The following TENM2 variants were observed in gnomAD, a reference collection of about 807,000 sequenced individuals.
TENM2 encodes teneurin-2.
A neutral mutation model predicts 245.2 loss-of-function variants in TENM2; 52 were observed. The observed-to-expected ratio is 0.21, with a 90% CI of 0.17 to 0.27. The LOEUF is 0.27. Ranked by LOEUF, TENM2 falls within the 10% of genes least tolerant of loss-of-function variation. TENM2 has a pLI of 1.00. For synonymous variants in TENM2, 1,363 were observed against 1,438.9 expected, an observed-to-expected ratio of 0.95 and a Z score of 1.19; for missense variants, 3,046 against 3,666.8, an observed-to-expected ratio of 0.83 and a Z score of 4.37.
At chr5:167,363,813 A>G (rs1759870645) in intron 1 of TENM2, among the ~76,000 whole-genome samples, 1 of 151,928 alleles carries the variant, frequency 6.6e-6, no homozygotes, top group Admixed American at 6.6e-5. Flanking sequence ...AAGTCCATAA[A>G]TAATTGATTT....
chr5:167,560,401 AT>A (rs1161957030), intron 2 of TENM2, among the ~76,000 whole-genome samples: 1 of 151,588 alleles, frequency 6.6e-6, no homozygotes, highest in African/African-American at 2.4e-5. Context: ...CATGTAGGTG[AT>A]TTTCCTAGCA....
In TENM2 at chr5:168,217,042, G is replaced by A. The variant is rs116351321; in HGVS notation, c.4233+120G>A. ...AGGGAGAGATACAGATACAGATCAC[G>A]GGGTTGTTTGGAGAAAGCCTGAGAT... On this transcript the variant is annotated intron_variant, in intron 22 of 28. Coordinates refer to ENST00000518659, the Ensembl canonical transcript of TENM2. The A allele has an allele frequency of 1.2e-3, 1,359 of 1,151,056 alleles. 9 individuals are homozygous for A. In the African/African-American group the frequency reaches 0.015, roughly 13 times the overall value. 71.3% of individuals were successfully genotyped at this position (1,151,056 alleles called of 1,614,324 possible).
chr5:168,188,656 G>A (rs1052434701), intron 13 of TENM2, among the ~76,000 whole-genome samples: 2 of 152,142 alleles, frequency 1.3e-5, no homozygotes, highest in Non-Finnish European at 2.9e-5. Context: ...ATAGGGAGGC[G>A]AGCATTAAGA....
intron 1 of TENM2, among the ~76,000 whole-genome samples, chr5:167,316,035 T>C (rs1756343968): frequency 6.6e-6 from 1 of 152,172 alleles, no homozygotes; most frequent in Admixed American, 6.6e-5. Flanking sequence ...TATCTCTTCC[T>C]GCCTACTCTC....
At chr5:167,729,806 C>A (rs1016042430) in intron 2 of TENM2, among the ~76,000 whole-genome samples, 2 of 152,166 alleles carry the variant, frequency 1.3e-5, no homozygotes, top group Non-Finnish European at 2.9e-5. Flanking sequence ...CAGGATAGTT[C>A]TCCTCTGTGA....
At chr5:167,822,511 C>T (rs1767616222) in intron 2 of TENM2, among the ~76,000 whole-genome samples, 1 of 152,014 alleles carries the variant, frequency 6.6e-6, no homozygotes, top group Admixed American at 6.5e-5. Context: ...TTTAACAAAA[C>T]ATTAAACATT....
rs146723793 is a variant in TENM2 at position 167,542,077 on chromosome 5, A to C, written c.502+166604A>C. On this transcript the variant is annotated intron_variant, in intron 2 of 28. Transcript: ENST00000518659. ...GCAGTGGGCAAGTTGTATTCAGAGA[A>C]GGGCCAGACATGGGGAATGACCTTG... Among the ~76,000 whole-genome samples, 9 of 152,244 alleles carry C rather than the reference A, an allele frequency of 5.9e-5. No individual in the cohort carries two copies. The East Asian group carries it at 1.7e-3, about 29-fold the overall frequency.
At chr5:168,212,583 G>A (rs1286832682) in intron 20 of TENM2, among the ~76,000 whole-genome samples, 6 of 152,146 alleles carry the variant, frequency 3.9e-5, no homozygotes, top group African/African-American at 1.2e-4. Context: ...ATGATATTAG[G>A]TCAAAATTAG....
At chr5:167,674,892 A>G (rs1159856981) in intron 2 of TENM2, among the ~76,000 whole-genome samples, 1 of 152,080 alleles carries the variant, frequency 6.6e-6, no homozygotes, top group East Asian at 1.9e-4. Context: ...AATCACCACA[A>G]TTTTTACATT....
intron 4 of TENM2, among the ~76,000 whole-genome samples, chr5:167,974,781 C>G (rs190366154): frequency 1.3e-5 from 2 of 152,292 alleles, no homozygotes; most frequent in Admixed American, 1.3e-4. Context: ...ATCCAGCCTC[C>G]TAGAATCAGC....
chr5:167,659,143 G>A (rs112607064), intron 2 of TENM2, among the ~76,000 whole-genome samples: 36 of 152,144 alleles, frequency 2.4e-4, no homozygotes, highest in African/African-American at 8.2e-4. Context: ...AGCCTGTTAT[G>A]GTTTATAGAT....
At chr5:167,704,091 G>A (rs982273638) in intron 2 of TENM2, among the ~76,000 whole-genome samples, 11 of 152,150 alleles carry the variant, frequency 7.2e-5, no homozygotes, top group African/African-American at 2.4e-4. Context: ...CTGTGTGGTG[G>A]AAATTGGCCG....
At chr5:167,360,913 A>T (rs112105759) in intron 1 of TENM2, among the ~76,000 whole-genome samples, 4,343 of 152,306 alleles carry the variant, frequency 0.029, 227 homozygotes, top group African/African-American at 0.099. Flanking sequence ...TTAACCACAG[A>T]TGTACACAGT....
chr5:167,269,095 G>A, the TENM2 span, among the ~76,000 whole-genome samples: 12 of 152,054 alleles, frequency 7.9e-5, no homozygotes, highest in African/African-American at 2.9e-4. Flanking sequence ...GAACATTTAT[G>A]TTGTATTTTT....
At chr5:167,827,764 G>T (rs1201589978) in intron 2 of TENM2, among the ~76,000 whole-genome samples, 1 of 151,936 alleles carries the variant, frequency 6.6e-6, no homozygotes, top group Non-Finnish European at 1.5e-5. Flanking sequence ...TATACAAAAA[G>T]TTAATCAGGG....
At chr5:167,718,776 T>A (rs1012696054) in intron 2 of TENM2, among the ~76,000 whole-genome samples, 3 of 152,132 alleles carry the variant, frequency 2.0e-5, no homozygotes, top group African/African-American at 7.2e-5. Flanking sequence ...GGGTTGGATT[T>A]TTTTTTTTCT....
At chr5:167,315,949 A>C (rs1351614887) in intron 1 of TENM2, among the ~76,000 whole-genome samples, 1 of 152,172 alleles carries the variant, frequency 6.6e-6, no homozygotes, top group African/African-American at 2.4e-5. Flanking sequence ...GTCTATTTGC[A>C]TTTCACTGTT....
chr5:167,931,783 T>G (rs865403), intron 3 of TENM2, among the ~76,000 whole-genome samples: 17,010 of 152,214 alleles, frequency 0.11, 988 homozygotes, highest in Middle Eastern at 0.15. Context: ...TTTGATGGGA[T>G]TTGGAAGGAA....
chr5:167,949,214 C>A (rs908432499), intron 3 of TENM2, among the ~76,000 whole-genome samples: 1 of 152,140 alleles, frequency 6.6e-6, no homozygotes, highest in African/African-American at 2.4e-5. Flanking sequence ...GATGGCAAAT[C>A]AGATAAGCCA....
Sources: allele counts gnomAD v4.1 joint callset (sites outside exome capture counted in the v4.1 genomes callset), GRCh38; gene constraint gnomAD v4.1.1; transcripts MANE v1.5; gene names NCBI Gene and HGNC (gene_info 2026-07-23, HGNC 2026-07-21).